TCP11L1: variants seen among roughly 807,000 people sequenced by gnomAD.
The protein encoded by TCP11L1 is t-complex 11 like 1.
TCP11L1 carries 28 observed loss-of-function variants against 48.9 expected under a neutral mutation model. The observed-to-expected ratio is 0.57, with a 90% confidence interval of 0.42 to 0.78. The LOEUF is 0.78. Among genes scored for constraint, TCP11L1 ranks in the 30% least tolerant of loss-of-function variants. The pLI is 0.00. For missense variants in TCP11L1, 505 were observed against 613.4 expected (o/e 0.82, Z 1.87); for synonymous variants, 204 against 231.9 (o/e 0.88, Z 1.09).
intron 8 of TCP11L1, among the ~76,000 whole-genome samples, chr11:33,067,190 C>T (rs1854643504): frequency 6.6e-6 from 1 of 152,130 alleles, no homozygotes; most frequent in Non-Finnish European, 1.5e-5. Flanking sequence ...CGCATCTGCA[C>T]GCGTGCAGGC....
chr11:33,049,353 C>G (rs1368769214), intron 2 of TCP11L1, among the ~76,000 whole-genome samples: 1 of 151,914 alleles, frequency 6.6e-6, no homozygotes, highest in Non-Finnish European at 1.5e-5. Context: ...GAAGGGGTGG[C>G]CTGCCCCTCC....
chr11:33,045,356 A>G (rs1289787046), intron 2 of TCP11L1, among the ~76,000 whole-genome samples: 2 of 150,994 alleles, frequency 1.3e-5, no homozygotes, highest in African/African-American at 4.9e-5. Context: ...CTGTCTCAAA[A>G]AAAAAAAAAA....
intron 7 of TCP11L1, 118 bp from the exon 8 acceptor site, chr11:33,065,712 A>G (rs542424027): frequency 8.8e-7 from 1 of 1,139,472 alleles, no homozygotes; most frequent in South Asian, 1.5e-5. Context: ...AAGCTCTGAC[A>G]CACTAGCGCA....
chr11:33,066,067 G>C, intron 8 of TCP11L1, 56 bp downstream of exon 8: 3 of 1,592,296 alleles, frequency 1.9e-6, no homozygotes, highest in Non-Finnish European at 2.6e-6. Context: ...GAGCCGACTG[G>C]AGTCTCCCAG....
At position 33,072,518 on chromosome 11, in the gene TCP11L1, C is replaced by T. The variant is rs1457086119; in HGVS notation, c.1372C>T (p.His458Tyr). 1 of 1,614,116 alleles carries T rather than the reference C, an allele frequency of 6.2e-7. No homozygotes were observed. The highest frequency in any genetic ancestry group is 8.5e-7 in the Non-Finnish European group (1 of 1,180,040). The change falls in exon 10 of 10, where the codon CAT (histidine) becomes TAT (tyrosine). Residue 458 changes from histidine to tyrosine, a missense_variant. This residue lies in a region of TCP11L1 where 335 missense variants were observed against 413.3 expected (regional missense o/e 0.81). Transcript: ENST00000334274. ...CTTAGAAACCTACCTTGCCTCGGGT[C>T]ATCAGAAGCCATTGCCCACAGTCCC... ...TFLETYLASG[H>Y]QKPLPTVPGG...
chr11:33,068,549 A>C lies in TCP11L1; in HGVS notation c.1155-138A>C. The C allele has an allele frequency of 2.8e-6, 3 of 1,056,170 alleles. No homozygotes were observed. The East Asian group carries it at 7.2e-5, about 25-fold the overall frequency. 65.4% of individuals were successfully genotyped at this position (1,056,170 alleles called of 1,614,324 possible). ...TGCACAGCCTGAGAGGTAAGGTGGC[A>C]GGGAAAAGAGTCTCAAATTGTCCCT... On this transcript the variant is annotated intron_variant, in intron 8 of 9. Transcript: ENST00000334274.
chr11:33,048,418 A>G (rs1998156), intron 2 of TCP11L1, among the ~76,000 whole-genome samples: 62,396 of 152,012 alleles, frequency 0.41, 13,030 homozygotes, highest in African/African-American at 0.48. Context: ...ATTTTATGCA[A>G]TCCTTACCAA....
chr11:33,046,560 T>G (rs946766025), intron 2 of TCP11L1, among the ~76,000 whole-genome samples: 3 of 152,248 alleles, frequency 2.0e-5, no homozygotes, highest in African/African-American at 7.2e-5. Context: ...AAGCTTTCAT[T>G]AAGTTCTCTT....
At chr11:33,044,660 G>C (rs1301968401) in intron 2 of TCP11L1, among the ~76,000 whole-genome samples, 1 of 152,172 alleles carries the variant, frequency 6.6e-6, no homozygotes, top group Non-Finnish European at 1.5e-5. Context: ...GGGTTTTGGG[G>C]TGTGTTTCTT....
At chr11:33,071,278 C>T (rs189527453) in intron 9 of TCP11L1, among the ~76,000 whole-genome samples, 1 of 152,140 alleles carries the variant, frequency 6.6e-6, no homozygotes, top group Non-Finnish European at 1.5e-5. Flanking sequence ...TGTGCCACTG[C>T]ACTGCAGCCT....
At chr11:33,055,845 T>C (rs1366931027) in intron 3 of TCP11L1, among the ~76,000 whole-genome samples, 1 of 152,174 alleles carries the variant, frequency 6.6e-6, no homozygotes, top group Non-Finnish European at 1.5e-5. Flanking sequence ...TGAGATGGAG[T>C]GTCGCTCTGT....
At chr11:33,058,882 C>G (rs1298384918) in intron 5 of TCP11L1, 77 bp from the exon 6 acceptor site, 1 of 1,523,468 alleles carries the variant, frequency 6.6e-7, no homozygotes, top group East Asian at 2.3e-5. Flanking sequence ...AGGTGTGAGC[C>G]ACGCGTCTGG....
At chr11:33,050,436 A>G (rs1246935797) in intron 2 of TCP11L1, among the ~76,000 whole-genome samples, 2 of 151,406 alleles carry the variant, frequency 1.3e-5, no homozygotes, top group African/African-American at 4.9e-5. Flanking sequence ...CTTGATATTG[A>G]TGTACCCACA....
intron 9 of TCP11L1, among the ~76,000 whole-genome samples, chr11:33,069,167 C>T (rs1212894532): frequency 6.6e-6 from 1 of 152,152 alleles, no homozygotes; most frequent in Non-Finnish European, 1.5e-5. Flanking sequence ...AGGGCAGCAA[C>T]CTTACAAGGT....
At chr11:33,070,120 T>TA (rs796625851) in intron 9 of TCP11L1, among the ~76,000 whole-genome samples, 55 of 144,828 alleles carry the variant, frequency 3.8e-4, no homozygotes, top group Non-Finnish European at 2.9e-4. Flanking sequence ...TACAAAAAAT[T>TA]AAAAAAAAAA....
At chr11:33,060,489 G>T (rs560855380) in intron 6 of TCP11L1, among the ~76,000 whole-genome samples, 5 of 152,070 alleles carry the variant, frequency 3.3e-5, no homozygotes, top group African/African-American at 1.2e-4. Flanking sequence ...GACCTTGGCC[G>T]CCCACTTGGT....
intron 9 of TCP11L1, among the ~76,000 whole-genome samples, chr11:33,069,401 A>T (rs1234683467): frequency 6.6e-6 from 1 of 151,740 alleles, no homozygotes; most frequent in Non-Finnish European, 1.5e-5. Flanking sequence ...ATTGCTATTT[A>T]AAATTTATAA....
At chr11:33,044,042 T>C (rs1853915654) in intron 2 of TCP11L1, 106 bp downstream of exon 2, 4 of 1,156,050 alleles carry the variant, frequency 3.5e-6, no homozygotes, top group Non-Finnish European at 4.7e-6. Flanking sequence ...TCTAATAATA[T>C]AACATTGCCA....
chr11:33,042,223 C>G (rs767496907), intron 1 of TCP11L1, among the ~76,000 whole-genome samples: 1 of 152,072 alleles, frequency 6.6e-6, no homozygotes, highest in African/African-American at 2.4e-5. Context: ...CTCTGCCTCC[C>G]GGGTTCATGC....
Sources: gnomAD v4.1 joint callset for allele counts (sites outside exome capture counted in the v4.1 genomes callset) on GRCh38, gnomAD v4.1.1 for gene constraint, gnomAD v4.1.1 regional missense constraint, MANE v1.5 for transcripts, NCBI Gene and HGNC (gene_info 2026-07-23, HGNC 2026-07-21) for gene names.